REXO1: variants seen among roughly 807,000 people sequenced by gnomAD.
REXO1 encodes RNA exonuclease 1 homolog.
In REXO1, 42 loss-of-function variants were observed where a neutral mutation model predicts 102.6. The ratio of observed to expected loss-of-function variants is 0.41; its 90% CI spans 0.32 to 0.53. REXO1 has a LOEUF of 0.53. Ranked by LOEUF, REXO1 falls within the 20% of genes least tolerant of loss-of-function variation. The pLI is 0.27. For synonymous variants in REXO1, 908 were observed against 779.1 expected, an observed-to-expected ratio of 1.17 and a Z score of -2.76; for missense variants, 1,819 against 1,732.5, an observed-to-expected ratio of 1.05 and a Z score of -0.89.
chr19:1,839,949 G>A (rs2011212083), intron 1 of REXO1, among the ~76,000 whole-genome samples: 1 of 152,226 alleles, frequency 6.6e-6, no homozygotes, highest in Non-Finnish European at 1.5e-5. Context: ...CCTAGGGCCT[G>A]CTCCTGAGGC....
intron 1 of REXO1, chr19:1,834,981 C>T (rs991172592): frequency 1.8e-5 from 8 of 435,458 alleles, no homozygotes; most frequent in Non-Finnish European, 2.8e-5. Flanking sequence ...GCATCCTGGC[C>T]TGGGCGCTCC....
chr19:1,846,359 G>C (rs745429980), intron 1 of REXO1, among the ~76,000 whole-genome samples: 1 of 152,174 alleles, frequency 6.6e-6, no homozygotes, highest in Non-Finnish European at 1.5e-5. Context: ...CTTCTGCGGG[G>C]GGAGGCAGTC....
chr19:1,828,690 G>T, intron 1 of REXO1, 59 bp from the exon 2 acceptor site: 1 of 1,511,526 alleles, frequency 6.6e-7, no homozygotes, highest in Non-Finnish European at 8.8e-7. Flanking sequence ...CCGCAGCATG[G>T]GGGCGGCCCC....
Position 1,827,842 on chromosome 19 carries a change from T to C in REXO1, c.947A>G (p.Lys316Arg). The C allele has an allele frequency of 1.2e-6, 2 of 1,612,530 alleles. No individual in the cohort carries two copies. The highest frequency in any genetic ancestry group is 1.7e-6 in the Non-Finnish European group (2 of 1,179,710). The change falls in exon 2 of 16, where the codon AAG (lysine) becomes AGG (arginine). Residue 316 changes from lysine to arginine, a missense_variant. Physicochemically the swap from Lys to Arg is conservative, Grantham distance 26. Transcript: ENST00000170168. ...TTTGGAGGGTGGCTGCCCGGTGGCC[T>C]TGATCTCAGGGTCGGCCCTGGCTTT... ...TPKARADPEIKATGQPPSKEG... is the reference protein window; with the variant it reads ...TPKARADPEIRATGQPPSKEG...
intron 3 of REXO1, chr19:1,824,039 G>A (rs766921389): frequency 8.3e-5 from 32 of 383,652 alleles, no homozygotes; most frequent in Admixed American, 1.4e-4. Context: ...GATAAGGCAC[G>A]GGTGGGCGGG....
intron 1 of REXO1, among the ~76,000 whole-genome samples, chr19:1,836,743 CAAAAAAAAA>C (rs1185957602): frequency 1.1e-4 from 7 of 64,586 alleles, no homozygotes; most frequent in African/African-American, 4.1e-4. Flanking sequence ...AAGACTGTCT[CAAAAAAAAA>C]AAAAAAAAAA....
rs114551073 is a variant in REXO1, at chr19:1,835,522, T to C, written c.158-6891A>G. On this transcript the variant is annotated intron_variant, in intron 1 of 15. Coordinates refer to ENST00000170168, the MANE Select transcript of REXO1 (RefSeq NM_020695.4). ...GAGAACGCACCACTGCACTCCAACC[T>C]GGGCGACAGAGCTATACATGCATAC... Among the ~76,000 whole-genome samples, 683 of 152,296 alleles carry C rather than the reference T, an allele frequency of 4.5e-3. 4 individuals carry two copies. The highest frequency in any genetic ancestry group is 0.015 in the African/African-American group (641 of 41,560).
chr19:1,821,942 G>A (rs2069556602), intron 4 of REXO1: 3 of 558,208 alleles, frequency 5.4e-6, no homozygotes, highest in South Asian at 2.4e-5. Context: ...CCAGGCCTCT[G>A]CCACGTGTTC....
Position 1,826,944 on chromosome 19 carries a change from C to T in REXO1, c.1845G>A (p.Glu615=). ...TGGACTCGTTGAAGATCCGCAGGCA[C>T]TCCTCCATGGGGTCGGAGTCAAAGT... The part of the protein sequence containing the change: ...EVDFDSDPME[E]CLRIFNESTS... Residue 615 remains glutamate (E), a synonymous_variant, in exon 2 of 16, where the codon GAG becomes GAA. Transcript: ENST00000170168. The surrounding 1 kb of genome is among the most constrained non-coding windows in gnomAD (Gnocchi z 4.3). The T allele has an allele frequency of 1.3e-6, 2 of 1,582,332 alleles. No individual in the cohort carries two copies. Among genetic ancestry groups the T allele is most frequent in the Non-Finnish European group, 1.7e-6 (2 of 1,165,190 alleles).
At chr19:1,840,219 G>A (rs1022079612) in intron 1 of REXO1, among the ~76,000 whole-genome samples, 3 of 152,204 alleles carry the variant, frequency 2.0e-5, no homozygotes, top group African/African-American at 7.2e-5. Flanking sequence ...CCCCAGCGTC[G>A]ACGGAGCTGG....
chr19:1,815,762 C>A lies in REXO1; in HGVS notation c.*304G>T, dbSNP rs2069340970. On this transcript the variant is annotated 3_prime_UTR_variant, in exon 16 of 16. Transcript: ENST00000170168. This position sits in a 1 kb window ranked among gnomAD's most constrained non-coding sequence, Gnocchi z 4.0. ...CCACCACCCGGGAGGGAGGGCCTGG[C>A]AGGAGGGGCAGGAGGGGCTGCGGGC... 7.0e-7 allele frequency: 1 copy of A among 1,430,806 alleles called. No individual in the cohort carries two copies. The highest frequency in any genetic ancestry group is 1.4e-5 in the African/African-American group (1 of 70,666). 88.6% of individuals were successfully genotyped at this position (1,430,806 alleles called of 1,614,324 possible).
chr19:1,826,953 G>A lies in REXO1; in HGVS notation c.1836C>T (p.Pro612=). ...LEKEVDFDSD[P]MEECLRIFNE... is the part of the protein sequence containing the mutation. ...TGAAGATCCGCAGGCACTCCTCCAT[G>A]GGGTCGGAGTCAAAGTCCACCTCCT... The change falls in exon 2 of 16, where the codon CCC becomes CCT. Residue 612 remains proline (P), a synonymous_variant. Coordinates refer to ENST00000170168, the MANE Select transcript of REXO1 (RefSeq NM_020695.4). The surrounding 1 kb of genome is among the most constrained non-coding windows in gnomAD (Gnocchi z 4.3). 6.3e-7 allele frequency: 1 copy of A among 1,578,060 alleles called. No individual in the cohort carries two copies. The highest frequency in any genetic ancestry group is 8.6e-7 in the Non-Finnish European group (1 of 1,162,722).
At chr19:1,825,786 TTAAA>T in intron 3 of REXO1, 49 bp downstream of exon 3, 3 of 1,137,604 alleles carry the variant, frequency 2.6e-6, no homozygotes, top group Non-Finnish European at 3.8e-6. Flanking sequence ...AACCTCGTCT[TTAAA>T]AAAAAAAAAA....
intron 1 of REXO1, among the ~76,000 whole-genome samples, chr19:1,837,765 G>T (rs1421125547): frequency 2.0e-5 from 3 of 152,200 alleles, no homozygotes; most frequent in African/African-American, 7.2e-5. Flanking sequence ...CCTCGACAGC[G>T]CAGTGTGCAG....
chr19:1,816,669 T>C, intron 13 of REXO1, 29 bp downstream of exon 13: 1 of 1,605,476 alleles, frequency 6.2e-7, no homozygotes, highest in Non-Finnish European at 8.5e-7. Context: ...CTGGGAGGGC[T>C]CCCAGCTCGT....
chr19:1,846,019 G>C (rs907365083), intron 1 of REXO1, among the ~76,000 whole-genome samples: 1 of 152,262 alleles, frequency 6.6e-6, no homozygotes, highest in Non-Finnish European at 1.5e-5. Flanking sequence ...GTCCAGCACA[G>C]AGCATGGCCC....
At chr19:1,829,626 T>A (rs554804738) in intron 1 of REXO1, among the ~76,000 whole-genome samples, 19 of 151,968 alleles carry the variant, frequency 1.3e-4, no homozygotes, top group African/African-American at 4.6e-4. Flanking sequence ...CAGACCGACA[T>A]GGAGAAACCC....
chr19:1,819,482 G>GCGA (rs2069469064), intron 7 of REXO1, among the ~76,000 whole-genome samples: 1 of 152,214 alleles, frequency 6.6e-6, no homozygotes, highest in Non-Finnish European at 1.5e-5. Flanking sequence ...CACCCAGCCT[G>GCGA]CGACGCCAAC....
chr19:1,844,180 G>GCC (rs2011429931), intron 1 of REXO1, among the ~76,000 whole-genome samples: 1 of 152,242 alleles, frequency 6.6e-6, no homozygotes, highest in Non-Finnish European at 1.5e-5. Context: ...GGCAGGCAGG[G>GCC]CCCCGGCCCA....
Sources: allele counts gnomAD v4.1 joint callset (sites outside exome capture counted in the v4.1 genomes callset), GRCh38; gene constraint gnomAD v4.1.1; non-coding constraint Gnocchi (gnomAD v3.1); transcripts MANE v1.5; gene names NCBI Gene and HGNC (gene_info 2026-07-23, HGNC 2026-07-21).